The following GOLM1 variants were observed in gnomAD, a reference collection of about 807,000 sequenced individuals.
GOLM1 encodes the protein golgi membrane protein 1.
A neutral mutation model predicts 50.5 loss-of-function variants in GOLM1; 31 were observed. The observed-to-expected ratio is 0.61, with a 90% CI of 0.46 to 0.83. GOLM1 has a LOEUF of 0.83. Among genes scored for constraint, GOLM1 ranks in the 40% least tolerant of loss-of-function variants. The probability of loss-of-function intolerance (pLI) is 0.00; values close to 1 mark genes in which losing one functional copy is unlikely to be tolerated. For missense variants in GOLM1, 491 were observed against 501.3 expected (o/e 0.98, Z 0.20); for synonymous variants, 178 against 192.8 (o/e 0.92, Z 0.64).
At chr9:86,080,253 A>C (rs1459467705) in intron 1 of GOLM1, 8 of 152,214 alleles carry the variant, frequency 5.3e-5, no homozygotes, top group Non-Finnish European at 1.2e-4. Flanking sequence ...GCTTAGAAGA[A>C]AGATGCCATA....
chr9:86,098,299 T>C (rs1004472938), intron 1 of GOLM1, among the ~76,000 whole-genome samples: 1 of 152,158 alleles, frequency 6.6e-6, no homozygotes, highest in Non-Finnish European at 1.5e-5. Flanking sequence ...TGGAAGAAGC[T>C]AGGATGCCTT....
intron 3 of GOLM1, among the ~76,000 whole-genome samples, chr9:86,076,789 C>T (rs1231046289): frequency 1.3e-5 from 2 of 150,938 alleles, no homozygotes; most frequent in Non-Finnish European, 2.9e-5. Flanking sequence ...CGCTTGAACC[C>T]GGGAGGCAGA....
intron 3 of GOLM1, among the ~76,000 whole-genome samples, chr9:86,070,241 C>G (rs1437250227): frequency 6.6e-6 from 1 of 152,164 alleles, no homozygotes; most frequent in Admixed American, 6.5e-5. Context: ...TTAGCCAATA[C>G]CCATCTCTCC....
chr9:86,080,649 G>A (rs960204685), intron 1 of GOLM1, among the ~76,000 whole-genome samples: 27 of 152,122 alleles, frequency 1.8e-4, no homozygotes, highest in African/African-American at 4.8e-4. Context: ...CTACTAGTAT[G>A]GGGGCCTGCC....
At chr9:86,038,820 GTAAGAAC>G (rs1167066727) in intron 6 of GOLM1, among the ~76,000 whole-genome samples, 1 of 152,024 alleles carries the variant, frequency 6.6e-6, no homozygotes, top group Non-Finnish European at 1.5e-5. Context: ...AGGCTTAAAC[GTAAGAAC>G]TAAGAACGAT....
At position 86,036,361 on chromosome 9, in the gene GOLM1, T is replaced by C. The variant is rs746829394; in HGVS notation, c.744A>G (p.Arg248=). The change falls in exon 7 of 10, where the codon AGA becomes AGG. Residue 248 remains arginine, a synonymous_variant. Coordinates refer to ENST00000388712, the MANE Select transcript of GOLM1 (RefSeq NM_016548.4). ...GGCTCTGCTTACCTTTCTCAACTTG[T>C]CTCTTTGAATCCAAAACCACTTCGG... ...PSSEVVLDSK[R]QVEKEETNEI... 37 of 1,614,048 alleles carry C rather than the reference T, an allele frequency of 2.3e-5. No homozygotes were observed. Among genetic ancestry groups the C allele is most frequent in the Non-Finnish European group, 3.0e-5 (35 of 1,180,046 alleles).
chr9:86,039,796 C>T (rs554963169), intron 6 of GOLM1, among the ~76,000 whole-genome samples: 3 of 152,070 alleles, frequency 2.0e-5, no homozygotes, highest in South Asian at 2.1e-4. Flanking sequence ...GATGAAACCC[C>T]GTCTCTACTA....
At chr9:86,055,015 C>T (rs1833945872) in intron 3 of GOLM1, among the ~76,000 whole-genome samples, 2 of 152,328 alleles carry the variant, frequency 1.3e-5, no homozygotes, top group African/African-American at 4.8e-5. Context: ...CCTCTTCCTC[C>T]TCTGGGACCT....
At position 86,035,454 on chromosome 9, in the gene GOLM1, T is replaced by G; in HGVS notation, c.929A>C (p.Gln310Pro). Residue 310 changes from glutamine to proline, a missense_variant, in exon 8 of 10, where the codon CAG becomes CCG. Transcript: ENST00000388712. ...PQVQAALSVS[Q>P]ENPEMEGPER... ...AGGGCCCTCCATCTCTGGATTTTCCTGGCTCACTGACAGGGCAGCCTGCAC... is the reference window on the plus strand; with the variant it reads ...AGGGCCCTCCATCTCTGGATTTTCCGGGCTCACTGACAGGGCAGCCTGCAC... 6.2e-7 allele frequency: 1 copy of G among 1,613,906 alleles called. No individual in the cohort carries two copies. The highest frequency in any genetic ancestry group is 8.5e-7 in the Non-Finnish European group (1 of 1,179,998).
intron 1 of GOLM1, among the ~76,000 whole-genome samples, chr9:86,082,213 A>G (rs948756093): frequency 6.6e-6 from 1 of 151,246 alleles, no homozygotes; most frequent in Admixed American, 6.6e-5. Context: ...TAGTTTTAGT[A>G]GAGACGAAGT....
chr9:86,032,076 AAC>A (rs1456436329), intron 9 of GOLM1, among the ~76,000 whole-genome samples: 6 of 152,188 alleles, frequency 3.9e-5, no homozygotes, highest in Non-Finnish European at 5.9e-5. Flanking sequence ...CTCTACAGAA[AAC>A]AGAGACCAGG....
chr9:86,081,898 AAG>A (rs1163317480), intron 1 of GOLM1, among the ~76,000 whole-genome samples: 2 of 151,424 alleles, frequency 1.3e-5, no homozygotes, highest in East Asian at 3.9e-4. Context: ...AAAAAAAAAA[AAG>A]AAAAAAGGAT....
At chr9:86,051,421 TTAACTTTC>T (rs1833746691) in intron 4 of GOLM1, among the ~76,000 whole-genome samples, 1 of 152,194 alleles carries the variant, frequency 6.6e-6, no homozygotes, top group Non-Finnish European at 1.5e-5. Flanking sequence ...GATATCCTTG[TTAACTTTC>T]TGTCTCGTTG....
intron 1 of GOLM1, among the ~76,000 whole-genome samples, chr9:86,095,826 T>C (rs1268942913): frequency 1.3e-5 from 2 of 152,186 alleles, no homozygotes; most frequent in African/African-American, 4.8e-5. Context: ...TTGGAGAATT[T>C]GGATGCCATG....
intron 1 of GOLM1, among the ~76,000 whole-genome samples, chr9:86,087,712 C>T (rs1013759692): frequency 6.6e-6 from 1 of 152,064 alleles, no homozygotes; most frequent in African/African-American, 2.4e-5. Flanking sequence ...GTGGTTTTTG[C>T]CATTGGTTCT....
At position 86,027,501 on chromosome 9, in the gene GOLM1, T is replaced by C; in HGVS notation, c.*316A>G. On this transcript the variant is annotated 3_prime_UTR_variant, in exon 10 of 10. Coordinates refer to ENST00000388712, the MANE Select transcript of GOLM1 (RefSeq NM_016548.4). ...GCTGTTAATTTACACAAAGTTATAT[T>C]CCAGAATCAGGAAGCCCCGCTGTCG... The C allele has an allele frequency of 8.8e-7, 1 of 1,138,612 alleles. No homozygotes were observed. The highest frequency in any genetic ancestry group is 1.1e-6 in the Non-Finnish European group (1 of 926,632). The allele number at this position is 1,138,612 out of a possible 1,614,324, so 70.5% of individuals were successfully genotyped here.
rs544266124 is a variant in GOLM1, at chr9:86,089,565, A to G, written c.-22+9846T>C. ...GACCGATTTGGCTATTGATACTTGCATATGCTTCACGAAGTTCTCGTGCTG... is the reference window on the plus strand; with the variant it reads ...GACCGATTTGGCTATTGATACTTGCGTATGCTTCACGAAGTTCTCGTGCTG... On this transcript the variant is annotated intron_variant, in intron 1 of 9. Transcript: ENST00000388712. Among the ~76,000 whole-genome samples the G allele has an allele frequency of 6.3e-4, 96 of 151,938 alleles. 1 individual carries two copies. The highest frequency in any genetic ancestry group is 2.4e-4 in the Non-Finnish European group (16 of 68,014).
At chr9:86,040,086 G>A (rs1306190616) in intron 6 of GOLM1, among the ~76,000 whole-genome samples, 2 of 152,010 alleles carry the variant, frequency 1.3e-5, no homozygotes, top group Non-Finnish European at 2.9e-5. Flanking sequence ...GGCTGTCTAG[G>A]GCTGTGGGGA....
At chr9:86,099,574 A>C (rs191559811), upstream of GOLM1, 5,238 of 147,162 alleles carry the variant, frequency 0.036, 283 homozygotes, top group East Asian at 0.27. Context: ...CCGCAGCGGC[A>C]AGGCCCCGCC....
Sources: gnomAD v4.1 joint callset for allele counts (sites outside exome capture counted in the v4.1 genomes callset) on GRCh38, gnomAD v4.1.1 for gene constraint, MANE v1.5 for transcripts, NCBI Gene and HGNC (gene_info 2026-07-23, HGNC 2026-07-21) for gene names.